Variants in LRRTM4 observed in about 807,000 individuals in gnomAD.
The protein encoded by LRRTM4 is leucine-rich repeat transmembrane neuronal protein 4.
Under a neutral mutation model 47.6 loss-of-function variants are expected in LRRTM4, and 25 were observed. The observed-to-expected ratio is 0.53, with a 90% CI of 0.38 to 0.73. LRRTM4 has a LOEUF of 0.73. Ranked by LOEUF, LRRTM4 falls within the 30% of genes least tolerant of loss-of-function variation. The probability of loss-of-function intolerance (pLI) is 0.00; values close to 1 mark genes in which losing one functional copy is unlikely to be tolerated. For missense variants in LRRTM4, 638 were observed against 713.4 expected, an observed-to-expected ratio of 0.89 and a Z score of 1.20; for synonymous variants, 311 against 269.5, an observed-to-expected ratio of 1.15 and a Z score of -1.51.
intron 3 of LRRTM4, among the ~76,000 whole-genome samples, chr2:77,121,623 A>C (rs1273149301): frequency 6.6e-6 from 1 of 151,864 alleles, no homozygotes; most frequent in Non-Finnish European, 1.5e-5. Context: ...TGGTGCAAAT[A>C]AATTATCACA....
intron 3 of LRRTM4, among the ~76,000 whole-genome samples, chr2:77,390,445 A>G (rs986089338): frequency 6.6e-6 from 1 of 152,182 alleles, no homozygotes; most frequent in Non-Finnish European, 1.5e-5. Flanking sequence ...CACTCATGCA[A>G]CTTTCATACA....
intron 3 of LRRTM4, among the ~76,000 whole-genome samples, chr2:77,486,937 A>C (rs1029277315): frequency 6.6e-6 from 1 of 152,274 alleles, no homozygotes; most frequent in Non-Finnish European, 1.5e-5. Flanking sequence ...GCAGAAAAAA[A>C]CGCAAAATTC....
At chr2:77,024,237 G>C (rs1393986992) in intron 3 of LRRTM4, among the ~76,000 whole-genome samples, 3 of 152,084 alleles carry the variant, frequency 2.0e-5, no homozygotes, top group Non-Finnish European at 4.4e-5. Flanking sequence ...TTGGGTGGGG[G>C]CACAGAGCCA....
In LRRTM4 at chr2:77,518,645, A is replaced by T; in HGVS notation, c.1224T>A (p.Phe408Leu). ...ACTCTTGCTCTGCGCCAGGAATCTG[A>T]AACCCTGGGGAAGGGCTTGGTGTTT... ...TFETPSPSPGFQIPGAEQEYE... is the reference protein window; with the variant it reads ...TFETPSPSPGLQIPGAEQEYE... Residue 408 changes from phenylalanine to leucine, a missense_variant, in exon 3 of 4, where the codon TTT (phenylalanine) becomes TTA (leucine). Physicochemically the swap from Phe to Leu is conservative, Grantham distance 22. Coordinates refer to ENST00000409884, the MANE Select transcript of LRRTM4 (RefSeq NM_001134745.3). The T allele has an allele frequency of 6.2e-7, 1 of 1,613,476 alleles. No individual in the cohort carries two copies. Among genetic ancestry groups the T allele is most frequent in the Non-Finnish European group, 8.5e-7 (1 of 1,179,640 alleles).
intron 3 of LRRTM4, among the ~76,000 whole-genome samples, chr2:76,880,642 A>C (rs1672903111): frequency 6.6e-6 from 1 of 152,122 alleles, no homozygotes; most frequent in Non-Finnish European, 1.5e-5. Context: ...AAAAAAACCA[A>C]AACACAAAAA....
intron 3 of LRRTM4, among the ~76,000 whole-genome samples, chr2:76,848,782 T>C (rs1671908117): frequency 6.6e-6 from 1 of 152,174 alleles, no homozygotes; most frequent in South Asian, 2.1e-4. Flanking sequence ...AACCTCTGCT[T>C]AATCCAAGTA....
At chr2:77,179,606 A>T (rs1402615447) in intron 3 of LRRTM4, among the ~76,000 whole-genome samples, 1 of 152,120 alleles carries the variant, frequency 6.6e-6, no homozygotes, top group East Asian at 1.9e-4. Flanking sequence ...TCGATTTTCC[A>T]CTGATTTATG....
At chr2:77,040,713 G>C (rs1010315981) in intron 3 of LRRTM4, among the ~76,000 whole-genome samples, 1 of 151,420 alleles carries the variant, frequency 6.6e-6, no homozygotes, top group Non-Finnish European at 1.5e-5. Context: ...AAGAGATTTG[G>C]AAACTAACCA....
At chr2:76,812,666 A>T (rs1670766794) in intron 3 of LRRTM4, among the ~76,000 whole-genome samples, 1 of 118,028 alleles carries the variant, frequency 8.5e-6, no homozygotes, top group African/African-American at 3.2e-5. Context: ...AGACTGTTAC[A>T]AATAAGCTCT....
At chr2:76,970,588 T>C (rs748220334) in intron 3 of LRRTM4, among the ~76,000 whole-genome samples, 2 of 152,062 alleles carry the variant, frequency 1.3e-5, no homozygotes, top group African/African-American at 2.4e-5. Context: ...TAATAACCCC[T>C]GAGAAATAAT....
intron 3 of LRRTM4, among the ~76,000 whole-genome samples, chr2:77,264,103 T>G (rs972229826): frequency 3.3e-5 from 5 of 152,062 alleles, no homozygotes; most frequent in Non-Finnish European, 7.4e-5. Context: ...GGAAAGTGTA[T>G]TACTGAGTTC....
At chr2:77,217,158 C>T (rs369849396) in intron 3 of LRRTM4, among the ~76,000 whole-genome samples, 3 of 150,644 alleles carry the variant, frequency 2.0e-5, no homozygotes, top group Admixed American at 1.3e-4. Context: ...GCACTTATAT[C>T]TTTCTCTTCT....
chr2:77,500,502 C>T (rs1678531595), intron 3 of LRRTM4, among the ~76,000 whole-genome samples: 2 of 151,168 alleles, frequency 1.3e-5, no homozygotes, highest in Admixed American at 6.6e-5. Context: ...AAAAAGAAAA[C>T]TTATCATATT....
intron 3 of LRRTM4, among the ~76,000 whole-genome samples, chr2:77,073,069 C>T (rs527391240): frequency 2.9e-4 from 44 of 152,140 alleles, no homozygotes; most frequent in Non-Finnish European, 4.0e-4. Context: ...GCATCCCAGA[C>T]CAGTGGCATC....
At chr2:77,358,289 T>C (rs1160134521) in intron 3 of LRRTM4, among the ~76,000 whole-genome samples, 3 of 152,154 alleles carry the variant, frequency 2.0e-5, no homozygotes, top group South Asian at 2.1e-4. Flanking sequence ...GTGGAGAAGA[T>C]GAAAGGCAAA....
At chr2:77,086,654 G>C (rs552332122) in intron 3 of LRRTM4, among the ~76,000 whole-genome samples, 13 of 150,904 alleles carry the variant, frequency 8.6e-5, no homozygotes, top group Admixed American at 4.0e-4. Flanking sequence ...TCGTTTGTTT[G>C]TTTATTTGTT....
intron 3 of LRRTM4, among the ~76,000 whole-genome samples, chr2:76,894,125 T>C (rs987656843): frequency 1.3e-5 from 2 of 152,010 alleles, no homozygotes; most frequent in Non-Finnish European, 2.9e-5. Context: ...GTGGAAGGAA[T>C]TCACAGAAAG....
chr2:77,193,549 C>T (rs1194760432), intron 3 of LRRTM4, among the ~76,000 whole-genome samples: 1 of 151,582 alleles, frequency 6.6e-6, no homozygotes, highest in Non-Finnish European at 1.5e-5. Flanking sequence ...GTGGCTCACG[C>T]CTGTAATCCC....
intron 3 of LRRTM4, among the ~76,000 whole-genome samples, chr2:77,446,324 A>G (rs1676049208): frequency 6.6e-6 from 1 of 152,002 alleles, no homozygotes; most frequent in African/African-American, 2.4e-5. Flanking sequence ...GAAGTGTTGC[A>G]CATTCTTCCT....
Sources: gnomAD v4.1 joint callset for allele counts (sites outside exome capture counted in the v4.1 genomes callset) on GRCh38, gnomAD v4.1.1 for gene constraint, MANE v1.5 for transcripts, NCBI Gene and HGNC (gene_info 2026-07-23, HGNC 2026-07-21) for gene names.